Variants in NUDT9 observed in about 807,000 individuals in gnomAD.
NUDT9 encodes ADP-ribose pyrophosphatase.
A neutral mutation model predicts 41.0 loss-of-function variants in NUDT9; 31 were observed. The ratio of observed to expected loss-of-function variants is 0.76; its 90% CI spans 0.57 to 1.02. The LOEUF is 1.02. NUDT9 is among the 50% of genes least tolerant of loss of function. NUDT9 has a pLI of 0.00. For synonymous variants in NUDT9, 146 were observed against 147.6 expected, an observed-to-expected ratio of 0.99 and a Z score of 0.08; for missense variants, 380 against 431.4, an observed-to-expected ratio of 0.88 and a Z score of 1.06.
rs547921714 is a variant in NUDT9, at chr4:87,454,466, A to G, written c.874+11A>G. The G allele has an allele frequency of 4.5e-6, 7 of 1,540,874 alleles. No individual in the cohort carries two copies. The African/African-American group carries it at 8.1e-5, about 18-fold the overall frequency. On this transcript the variant is annotated intron_variant, in intron 7 of 7. Coordinates refer to ENST00000302174, the MANE Select transcript of NUDT9 (RefSeq NM_024047.5). ...ACCATGACGAAACAGGTAACTTTATATTTATTAAACTGGCTGGGATTAAAG... is the reference window on the plus strand; with the variant it reads ...ACCATGACGAAACAGGTAACTTTATGTTTATTAAACTGGCTGGGATTAAAG...
intron 4 of NUDT9, among the ~76,000 whole-genome samples, 167 bp downstream of exon 4, chr4:87,442,082 G>A (rs761890809): frequency 6.6e-5 from 10 of 152,194 alleles, no homozygotes; most frequent in South Asian, 2.1e-4. Context: ...ATGAGGACAC[G>A]TTCTGAGAAA....
At chr4:87,456,726 C>T (rs886963034) in intron 7 of NUDT9, among the ~76,000 whole-genome samples, 64 of 152,206 alleles carry the variant, frequency 4.2e-4, no homozygotes, top group African/African-American at 1.5e-3. Context: ...TCTGTATTTG[C>T]CTGTCTCTCC....
chr4:87,422,622 G>T lies in NUDT9; in HGVS notation c.-284G>T, dbSNP rs1032195100. Reference sequence around the variant, plus strand: ...ACGCAGAGAGAAAGTTACGAGGTTCGTGGCCGCGGTTTCCCCAGGCAGCTG... The same window carrying T: ...ACGCAGAGAGAAAGTTACGAGGTTCTTGGCCGCGGTTTCCCCAGGCAGCTG... On this transcript the variant is annotated 5_prime_UTR_variant, in exon 1 of 8. Coordinates refer to ENST00000302174, the MANE Select transcript of NUDT9 (RefSeq NM_024047.5). 2 of 319,926 alleles carry T rather than the reference G, an allele frequency of 6.3e-6. No homozygotes were observed. Among genetic ancestry groups the T allele is most frequent in the African/African-American group, 4.3e-5 (2 of 46,446 alleles). 19.8% of individuals were successfully genotyped at this position (319,926 alleles called of 1,614,324 possible). A position where few individuals can be genotyped will look rare whatever the true frequency, so the allele number is the denominator to read the frequency against.
At chr4:87,427,385 A>G (rs1477890198) in intron 1 of NUDT9, among the ~76,000 whole-genome samples, 1 of 152,204 alleles carries the variant, frequency 6.6e-6, no homozygotes, top group Non-Finnish European at 1.5e-5. Context: ...TGCTAGGCCA[A>G]ATATATTTCT....
intron 6 of NUDT9, among the ~76,000 whole-genome samples, chr4:87,453,236 A>G (rs2110191057): frequency 6.6e-6 from 1 of 152,264 alleles, no homozygotes; most frequent in East Asian, 1.9e-4. Context: ...ATATCTTCAT[A>G]TATTAATAGC....
intron 5 of NUDT9, 22 bp downstream of exon 5, chr4:87,449,275 G>A: frequency 7.8e-7 from 1 of 1,280,950 alleles, no homozygotes; most frequent in Non-Finnish European, 1.1e-6. Flanking sequence ...AATTAAATTA[G>A]TGTTTAAGTT....
chr4:87,453,354 C>T (rs1578080914), intron 6 of NUDT9, among the ~76,000 whole-genome samples: 1 of 152,222 alleles, frequency 6.6e-6, no homozygotes. Flanking sequence ...AAGTGATGGA[C>T]TCTTAAAAAA....
At position 87,451,673 on chromosome 4, in the gene NUDT9, A is replaced by C; in HGVS notation, c.727A>C (p.Ser243Arg). Reference protein sequence around the residue: ...EEALNSLQKTSAEKREIEEKL... With the variant: ...EEALNSLQKTRAEKREIEEKL... ...AGCTCTCAACTCCTTACAGAAAACC[A>C]GTGCTGAGAAGAGAGAAATAGAGGA... Residue 243 changes from serine to arginine, a missense_variant, in exon 6 of 8, where the codon AGT (serine) becomes CGT (arginine). By Grantham distance (110) the Ser-to-Arg change is moderately radical. Coordinates refer to ENST00000302174, the MANE Select transcript of NUDT9 (RefSeq NM_024047.5). 1 of 1,613,946 alleles carries C rather than the reference A, an allele frequency of 6.2e-7. No homozygotes were observed. Among genetic ancestry groups the C allele is most frequent in the Non-Finnish European group, 8.5e-7 (1 of 1,179,852 alleles).
intron 2 of NUDT9, among the ~76,000 whole-genome samples, chr4:87,437,563 T>A (rs186795417): frequency 6.8e-6 from 1 of 148,032 alleles, no homozygotes; most frequent in Non-Finnish European, 1.5e-5. Flanking sequence ...AGGATGGTCT[T>A]GATCTCCTGA....
chr4:87,445,352 G>A (rs1360487076), intron 4 of NUDT9: 1 of 152,058 alleles, frequency 6.6e-6, no homozygotes, highest in African/African-American at 2.4e-5. Flanking sequence ...GAATCACCCA[G>A]GCACTTTCAG....
chr4:87,427,319 CT>C (rs1371144341), intron 1 of NUDT9, among the ~76,000 whole-genome samples: 1 of 152,142 alleles, frequency 6.6e-6, no homozygotes, highest in Non-Finnish European at 1.5e-5. Context: ...GTTTGCCAGT[CT>C]TAAGAATTGG....
At chr4:87,430,877 A>G (rs752529725) in intron 1 of NUDT9, among the ~76,000 whole-genome samples, 4 of 152,014 alleles carry the variant, frequency 2.6e-5, no homozygotes, top group Non-Finnish European at 5.9e-5. Flanking sequence ...TTCCTGTTCC[A>G]TGGGTTGCTT....
chr4:87,452,819 T>G (rs1722815992), intron 6 of NUDT9, among the ~76,000 whole-genome samples: 1 of 148,786 alleles, frequency 6.7e-6, no homozygotes, highest in Admixed American at 6.7e-5. Flanking sequence ...GTTTTTTTTT[T>G]TTTTTTTTTT....
intron 1 of NUDT9, among the ~76,000 whole-genome samples, 176 bp downstream of exon 1, chr4:87,423,188 G>GT (rs1318125875): frequency 1.3e-5 from 2 of 152,202 alleles, no homozygotes; most frequent in African/African-American, 4.8e-5. Flanking sequence ...AGGAAAACGA[G>GT]TGGCAGGGAC....
At chr4:87,442,197 A>G (rs1325652583) in intron 4 of NUDT9, among the ~76,000 whole-genome samples, 1 of 152,234 alleles carries the variant, frequency 6.6e-6, no homozygotes, top group African/African-American at 2.4e-5. Flanking sequence ...CCTATGCCAT[A>G]TGCTATAGCC....
At chr4:87,432,348 T>C (rs115024114) in intron 1 of NUDT9, among the ~76,000 whole-genome samples, 7 of 152,364 alleles carry the variant, frequency 4.6e-5, no homozygotes, top group African/African-American at 1.4e-4. Flanking sequence ...ACCCATCACA[T>C]GAAGCCAGGT....
chr4:87,447,810 G>A (rs1722527380), intron 4 of NUDT9, among the ~76,000 whole-genome samples: 1 of 152,076 alleles, frequency 6.6e-6, no homozygotes, highest in African/African-American at 2.4e-5. Flanking sequence ...GAGGTGGGAG[G>A]ATGGCTTGAG....
chr4:87,428,287 G>T (rs1721524288), intron 1 of NUDT9, among the ~76,000 whole-genome samples: 1 of 152,138 alleles, frequency 6.6e-6, no homozygotes, highest in African/African-American at 2.4e-5. Context: ...CACAAGAATA[G>T]GAAAGAATGA....
In NUDT9 at chr4:87,429,749, T is replaced by G. The variant is rs547066652; in HGVS notation, c.108-5232T>G. Among the ~76,000 whole-genome samples, 110 of 145,450 alleles carry G rather than the reference T, an allele frequency of 7.6e-4. 1 individual carries two copies. In the Middle Eastern group the frequency reaches 0.024, roughly 32 times the overall value. ...CCCTCATCTCCTTTTTCTTCTCTCC[T>G]GTACTCCCCTTTCCCCCTCCCTTTC... is the stretch of plus-strand genomic sequence containing the variant. On this transcript the variant is annotated intron_variant, in intron 1 of 7. Transcript: ENST00000302174.
Sources: allele counts gnomAD v4.1 joint callset (sites outside exome capture counted in the v4.1 genomes callset), GRCh38; gene constraint gnomAD v4.1.1; transcripts MANE v1.5; gene names NCBI Gene and HGNC (gene_info 2026-07-23, HGNC 2026-07-21).